Variants in SUPT3H observed in about 807,000 individuals in gnomAD.
SUPT3H encodes the protein transcription initiation protein SPT3 homolog.
In SUPT3H, 44 loss-of-function variants were observed where a neutral mutation model predicts 44.3. That is an observed-to-expected ratio of 0.99 (90% CI 0.78 to 1.28). SUPT3H has a LOEUF of 1.28. Ranked by LOEUF, SUPT3H falls within the 50% of genes most tolerant of loss-of-function variation. The pLI is 0.00. For missense variants in SUPT3H, 380 were observed against 387.1 expected (o/e 0.98, Z 0.15); for synonymous variants, 124 against 125.6 (o/e 0.99, Z 0.09).
chr6:45,171,100 G>A (rs531259893), intron 2 of SUPT3H, among the ~76,000 whole-genome samples: 3 of 152,258 alleles, frequency 2.0e-5, no homozygotes, highest in South Asian at 4.1e-4. Flanking sequence ...ATAGCAAAAT[G>A]TTATAAGCAT....
chr6:44,960,904 T>C (rs1200027069), intron 7 of SUPT3H, among the ~76,000 whole-genome samples: 2 of 152,218 alleles, frequency 1.3e-5, no homozygotes, highest in East Asian at 1.9e-4. Flanking sequence ...CTTTATAATC[T>C]ATAAATGAAG....
At chr6:45,256,525 T>A (rs1290425855) in intron 2 of SUPT3H, among the ~76,000 whole-genome samples, 1 of 152,070 alleles carries the variant, frequency 6.6e-6, no homozygotes, top group Admixed American at 6.5e-5. Context: ...GGAATGAGAT[T>A]TCAACATGAA....
Position 44,814,968 on chromosome 6 carries a change from C to T in SUPT3H, c.*53-5467G>A, listed in dbSNP as rs371776567. Among the ~76,000 whole-genome samples, 23 of 152,134 alleles carry T rather than the reference C, an allele frequency of 1.5e-4. No individual in the cohort carries two copies. The East Asian group carries it at 1.9e-3, about 13-fold the overall frequency. On this transcript the variant is annotated intron_variant and NMD_transcript_variant, in intron 11 of 11. Coordinates refer to the SUPT3H transcript ENST00000475057. The stretch of plus-strand genomic sequence containing the variant: ...CTGGGATTATAGTTGTGAGCCACCA[C>T]GCCCGGCCTCAAATTTTTTTCATAA...
At position 44,827,685 on chromosome 6, in the gene SUPT3H, AT is replaced by A. The variant is rs1235067089; in HGVS notation, c.*2130del. On this transcript the variant is annotated 3_prime_UTR_variant, in exon 11 of 11. Coordinates refer to ENST00000371459, the MANE Select transcript of SUPT3H (RefSeq NM_003599.4). ...AGTTTTATTTCACTTCAAATTTAGT[AT>A]TGTGCAAAGAGTCAGAGAAAGAACC... Among the ~76,000 whole-genome samples the A allele has an allele frequency of 2.6e-5, 4 of 152,118 alleles. No homozygotes were observed. The highest frequency in any genetic ancestry group is 5.9e-5 in the Non-Finnish European group (4 of 67,970).
chr6:45,020,029 G>A (rs1292783383), intron 4 of SUPT3H, among the ~76,000 whole-genome samples: 1 of 151,836 alleles, frequency 6.6e-6, no homozygotes, highest in Non-Finnish European at 1.5e-5. Flanking sequence ...AGTAAGAAAG[G>A]TAGGCCTTTG....
chr6:45,046,259 A>G (rs1397986029), intron 3 of SUPT3H, among the ~76,000 whole-genome samples: 1 of 152,018 alleles, frequency 6.6e-6, no homozygotes, highest in Non-Finnish European at 1.5e-5. Flanking sequence ...TTATATCTGC[A>G]TTTCTTATTC....
At chr6:45,342,409 G>A (rs1422842857) in intron 2 of SUPT3H, among the ~76,000 whole-genome samples, 2 of 152,082 alleles carry the variant, frequency 1.3e-5, no homozygotes, top group African/African-American at 2.4e-5. Flanking sequence ...CTACAGGTGC[G>A]CACCACCACG....
chr6:45,181,618 A>T (rs1206188796), intron 2 of SUPT3H, among the ~76,000 whole-genome samples: 4 of 151,234 alleles, frequency 2.6e-5, no homozygotes, highest in Admixed American at 1.3e-4. Context: ...TCGCAAGGAC[A>T]AAAAACCAAA....
intron 10 of SUPT3H, among the ~76,000 whole-genome samples, chr6:44,884,127 T>A (rs919768325): frequency 6.6e-6 from 1 of 152,186 alleles, no homozygotes; most frequent in African/African-American, 2.4e-5. Flanking sequence ...AAAGGGCTAA[T>A]ATCCAGAATC....
chr6:45,317,254 A>G (rs1436801646), intron 2 of SUPT3H, among the ~76,000 whole-genome samples: 1 of 148,610 alleles, frequency 6.7e-6, no homozygotes. Flanking sequence ...AAAAAAAAAG[A>G]ATATTGTCAA....
At chr6:44,886,182 G>A (rs1179154851) in intron 10 of SUPT3H, among the ~76,000 whole-genome samples, 1 of 152,156 alleles carries the variant, frequency 6.6e-6, no homozygotes, top group Non-Finnish European at 1.5e-5. Context: ...AACCAAGTTG[G>A]AAAACACTCT....
At chr6:44,924,033 T>C (rs552291930) in intron 10 of SUPT3H, among the ~76,000 whole-genome samples, 1 of 152,218 alleles carries the variant, frequency 6.6e-6, no homozygotes, top group South Asian at 2.1e-4. Flanking sequence ...CTTTGTGACA[T>C]CTTTAAGTAG....
chr6:45,160,682 GA>G (rs1385963637), intron 2 of SUPT3H, among the ~76,000 whole-genome samples: 1 of 151,280 alleles, frequency 6.6e-6, no homozygotes, highest in Non-Finnish European at 1.5e-5. Context: ...AAGTACAAAG[GA>G]AAAAAATTAA....
chr6:45,218,053 A>G (rs1235850097), intron 2 of SUPT3H, among the ~76,000 whole-genome samples: 1 of 152,182 alleles, frequency 6.6e-6, no homozygotes, highest in Non-Finnish European at 1.5e-5. Flanking sequence ...AAGCTGTAAC[A>G]TATTCATAAT....
At chr6:45,153,989 G>A (rs778591374) in intron 2 of SUPT3H, among the ~76,000 whole-genome samples, 29 of 150,786 alleles carry the variant, frequency 1.9e-4, no homozygotes, top group Non-Finnish European at 3.4e-4. Flanking sequence ...AGAATCGCTT[G>A]AACCCGGGAG....
At chr6:44,986,857 T>C (rs1383740572) in intron 6 of SUPT3H, among the ~76,000 whole-genome samples, 1 of 151,862 alleles carries the variant, frequency 6.6e-6, no homozygotes, top group Non-Finnish European at 1.5e-5. Context: ...AAACAACATA[T>C]AAAAGATCAC....
chr6:44,823,223 T>G (rs1399981048), downstream of SUPT3H, among the ~76,000 whole-genome samples: 2 of 152,028 alleles, frequency 1.3e-5, no homozygotes, highest in East Asian at 1.9e-4. Flanking sequence ...AAATTCTTAA[T>G]CTGGTGCAGT....
rs565274596 is a variant in SUPT3H, at chr6:45,039,610, T to C, written c.187-18978A>G. Among the ~76,000 whole-genome samples, 5 of 152,096 alleles carry C rather than the reference T, an allele frequency of 3.3e-5. No homozygotes were observed. In the East Asian group the frequency reaches 9.7e-4, roughly 29 times the overall value. On this transcript the variant is annotated intron_variant, in intron 3 of 10. Transcript: ENST00000371459. Reference sequence around the variant, plus strand: ...GCCAGGCCAACACGGTGAAACCCTGTCTCTACTAAAAATACAAAATTTAGC... The same window carrying C: ...GCCAGGCCAACACGGTGAAACCCTGCCTCTACTAAAAATACAAAATTTAGC...
At chr6:44,901,930 A>C (rs1420613435) in intron 10 of SUPT3H, among the ~76,000 whole-genome samples, 1 of 152,228 alleles carries the variant, frequency 6.6e-6, no homozygotes, top group Non-Finnish European at 1.5e-5. Context: ...ACTAAGCTTC[A>C]GAAGTGAAGG....
Sources: gnomAD v4.1 joint callset for allele counts (sites outside exome capture counted in the v4.1 genomes callset) on GRCh38, gnomAD v4.1.1 for gene constraint, MANE v1.5 for transcripts, NCBI Gene and HGNC (gene_info 2026-07-23, HGNC 2026-07-21) for gene names.